ALDH1L1: variants seen among roughly 807,000 people sequenced by gnomAD.
ALDH1L1 encodes cytosolic 10-formyltetrahydrofolate dehydrogenase.
Under a neutral mutation model 101.1 loss-of-function variants are expected in ALDH1L1, and 68 were observed. That is an observed-to-expected ratio of 0.67 (90% CI 0.55 to 0.82). The LOEUF (loss-of-function observed/expected upper bound fraction) is 0.82, where lower values mean the gene tolerates loss of function less well. Ranked by LOEUF, ALDH1L1 falls within the 40% of genes least tolerant of loss-of-function variation. The pLI is 0.00. For missense variants in ALDH1L1, 1,087 were observed against 1,172.7 expected, an observed-to-expected ratio of 0.93 and a Z score of 1.07; for synonymous variants, 486 against 470.8, an observed-to-expected ratio of 1.03 and a Z score of -0.42.
upstream of ALDH1L1, among the ~76,000 whole-genome samples, chr3:126,186,417 G>T (rs542049027): frequency 1.3e-5 from 2 of 152,202 alleles, no homozygotes; most frequent in East Asian, 3.9e-4. Flanking sequence ...TGAGCAGAAC[G>T]TGGCACTGGT....
intron 1 of ALDH1L1, among the ~76,000 whole-genome samples, chr3:126,162,940 G>A (rs989570141): frequency 3.9e-5 from 6 of 152,228 alleles, no homozygotes; most frequent in Non-Finnish European, 7.4e-5. Flanking sequence ...CTGAAAAGAC[G>A]TTTCTTCATT....
At chr3:126,141,489 A>T (rs1211185944) in intron 9 of ALDH1L1, among the ~76,000 whole-genome samples, 3 of 152,120 alleles carry the variant, frequency 2.0e-5, no homozygotes, top group African/African-American at 2.4e-5. Context: ...AAAAATATTG[A>T]ACTCTTACAA....
At chr3:126,116,168 C>A (rs1049343266) in intron 17 of ALDH1L1, among the ~76,000 whole-genome samples, 1 of 152,016 alleles carries the variant, frequency 6.6e-6, no homozygotes, top group African/African-American at 2.4e-5. Context: ...CAGGTGTGAG[C>A]CACCATGCCC....
At chr3:126,193,441 G>A (rs1039326659) in intron 1 of ALDH1L1, among the ~76,000 whole-genome samples, 1 of 151,992 alleles carries the variant, frequency 6.6e-6, no homozygotes, top group African/African-American at 2.4e-5. Context: ...CTATAATTTT[G>A]TTTTTTTAAA....
intron 2 of ALDH1L1, chr3:126,159,644 A>G (rs116273749): frequency 5.4e-4 from 221 of 412,164 alleles, no homozygotes; most frequent in African/African-American, 1.8e-3. Context: ...ACAGTGACCA[A>G]TGAAATACTG....
chr3:126,180,911 C>T (rs969308619), upstream of ALDH1L1: 175 of 1,605,154 alleles, frequency 1.1e-4, no homozygotes, highest in Non-Finnish European at 1.5e-4. Context: ...CTCGCCAAGC[C>T]GGTGACTCAC....
rs1399820092 is a variant in ALDH1L1 at position 126,110,000 on chromosome 3, T to C, written c.2291A>G (p.His764Arg). Residue 764 changes from histidine to arginine, a missense_variant, in exon 20 of 23, where the codon CAT (histidine) becomes CGT (arginine). By Grantham distance (29) the His-to-Arg change is conservative. Around this residue, in one of 2 missense-constraint regions of ALDH1L1, gnomAD observed 442 missense variants for 535.7 expected, o/e 0.83. Coordinates refer to ENST00000393434, the MANE Select transcript of ALDH1L1 (RefSeq NM_012190.4). ...HLVKLMEYCQ[H>R]GVKEGATLVC... ...CAGTGTGGCCCCTTCCTTCACGCCA[T>C]GCTGGCAGTACTCCATCAGCTTCAC... The C allele has an allele frequency of 6.2e-7, 1 of 1,614,210 alleles. No homozygotes were observed. Among genetic ancestry groups the C allele is most frequent in the Admixed American group, 1.7e-5 (1 of 60,024 alleles).
intron 14 of ALDH1L1, among the ~76,000 whole-genome samples, chr3:126,126,151 G>T (rs2080178102): frequency 6.6e-6 from 1 of 152,182 alleles, no homozygotes; most frequent in Admixed American, 6.5e-5. Flanking sequence ...CTCAAGAAGA[G>T]AAGACAGAGT....
chr3:126,139,167 G>A (rs2080514676), intron 9 of ALDH1L1, among the ~76,000 whole-genome samples: 1 of 152,238 alleles, frequency 6.6e-6, no homozygotes. Context: ...CTATCACAAA[G>A]GCTGGCAGTC....
chr3:126,141,015 G>A (rs2108261274), intron 9 of ALDH1L1, among the ~76,000 whole-genome samples: 1 of 152,058 alleles, frequency 6.6e-6, no homozygotes, highest in Non-Finnish European at 1.5e-5. Context: ...TTGGATGACT[G>A]GATAAAACCC....
intron 1 of ALDH1L1, among the ~76,000 whole-genome samples, chr3:126,195,398 C>T (rs1047827696): frequency 1.3e-5 from 2 of 152,184 alleles, no homozygotes; most frequent in Admixed American, 1.3e-4. Context: ...CTTATATAAA[C>T]ATTACACACT....
intron 10 of ALDH1L1, 97 bp from the exon 11 acceptor site, chr3:126,136,980 C>T (rs2080460651): frequency 1.3e-6 from 2 of 1,499,640 alleles, no homozygotes; most frequent in African/African-American, 1.4e-5. Flanking sequence ...TGCCCAGGGG[C>T]CTCCTGGGGC....
At chr3:126,122,905 G>C (rs1182938019) in intron 16 of ALDH1L1, among the ~76,000 whole-genome samples, 1 of 152,052 alleles carries the variant, frequency 6.6e-6, no homozygotes, top group Non-Finnish European at 1.5e-5. Flanking sequence ...GAGAAACAGA[G>C]GGAAAAAAGA....
upstream of ALDH1L1, among the ~76,000 whole-genome samples, chr3:126,183,112 CT>C (rs2081490300): frequency 6.6e-6 from 1 of 152,144 alleles, no homozygotes; most frequent in African/African-American, 2.4e-5. Flanking sequence ...GTCATGAGAT[CT>C]TTTGTAAAAT....
chr3:126,147,853 A>C (rs1186952660), intron 8 of ALDH1L1, among the ~76,000 whole-genome samples: 1 of 152,112 alleles, frequency 6.6e-6, no homozygotes, highest in Non-Finnish European at 1.5e-5. Flanking sequence ...GCGAGCATCA[A>C]CACCACACCA....
At chr3:126,191,957 G>A (rs1038440222) in intron 1 of ALDH1L1, among the ~76,000 whole-genome samples, 7 of 152,120 alleles carry the variant, frequency 4.6e-5, no homozygotes, top group African/African-American at 9.7e-5. Context: ...ATAAGGAGGC[G>A]CTTCAGGAAA....
At chr3:126,188,392 G>A (rs919388186) in intron 1 of ALDH1L1, among the ~76,000 whole-genome samples, 2 of 152,154 alleles carry the variant, frequency 1.3e-5, no homozygotes, top group South Asian at 4.1e-4. Flanking sequence ...TTTGGTATCC[G>A]CAGGTGGTCC....
intron 16 of ALDH1L1, 25 bp downstream of exon 16, chr3:126,124,339 C>A (rs1194436889): frequency 1.9e-6 from 3 of 1,597,376 alleles, no homozygotes; most frequent in Non-Finnish European, 2.6e-6. Flanking sequence ...GAAGCCCTAG[C>A]CCTGCCCCCG....
intron 16 of ALDH1L1, among the ~76,000 whole-genome samples, chr3:126,121,801 C>T (rs576553366): frequency 2.5e-4 from 38 of 152,320 alleles, no homozygotes; most frequent in East Asian, 1.2e-3. Context: ...AGGAAGGCAG[C>T]GCTTCTTTCC....
Sources: gnomAD v4.1 joint callset for allele counts (sites outside exome capture counted in the v4.1 genomes callset) on GRCh38, gnomAD v4.1.1 for gene constraint, gnomAD v4.1.1 regional missense constraint, MANE v1.5 for transcripts, NCBI Gene and HGNC (gene_info 2026-07-23, HGNC 2026-07-21) for gene names.